CENPP: variants seen among roughly 807,000 people sequenced by gnomAD.
CENPP encodes the protein centromere protein P.
CENPP carries 24 observed loss-of-function variants against 35.6 expected under a neutral mutation model. That is an observed-to-expected ratio of 0.67 (90% CI 0.49 to 0.95). CENPP has a LOEUF of 0.95. Ranked by LOEUF, CENPP falls within the 40% of genes least tolerant of loss-of-function variation. CENPP has a pLI of 0.00. For synonymous variants in CENPP, 120 were observed against 125.5 expected, an observed-to-expected ratio of 0.96 and a Z score of 0.29; for missense variants, 332 against 345.3, an observed-to-expected ratio of 0.96 and a Z score of 0.31.
At chr9:92,580,234 G>A (rs1217584549) in intron 5 of CENPP, among the ~76,000 whole-genome samples, 1 of 152,214 alleles carries the variant, frequency 6.6e-6, no homozygotes, top group East Asian at 1.9e-4. Context: ...TTGCATCAAT[G>A]TTCATCAAGG....
At chr9:92,611,806 G>A (rs568322131) in intron 6 of CENPP, among the ~76,000 whole-genome samples, 1 of 152,204 alleles carries the variant, frequency 6.6e-6, no homozygotes, top group Non-Finnish European at 1.5e-5. Flanking sequence ...CAGCCCCGGC[G>A]CCACCCTGGC....
chr9:92,380,772 A>G lies in CENPP; in HGVS notation c.564+913A>G, dbSNP rs537288811. 7.2e-5 allele frequency among the ~76,000 whole-genome samples: 11 copies of G among 152,330 alleles called. No homozygotes were observed. In the South Asian group the frequency reaches 1.7e-3, roughly 23 times the overall value. The stretch of plus-strand genomic sequence containing the variant: ...TCACAAGTGTTATAATACAGTAATG[A>G]CCAGGGAGTGTGCTGGCAGTTATGG... On this transcript the variant is annotated intron_variant, in intron 5 of 7. Coordinates refer to ENST00000375587, the MANE Select transcript of CENPP (RefSeq NM_001012267.3).
In CENPP at chr9:92,618,117, T is replaced by C. The variant is rs1387003134; in HGVS notation, c.*4968T>C. The C allele has an allele frequency of 2.5e-6, 1 of 403,978 alleles. No homozygotes were observed. Among genetic ancestry groups the C allele is most frequent in the Non-Finnish European group, 5.0e-6 (1 of 201,010 alleles). 25.0% of individuals were successfully genotyped at this position (403,978 alleles called of 1,614,324 possible). On this transcript the variant is annotated 3_prime_UTR_variant, in exon 8 of 8. Transcript: ENST00000375587. ...ACTGGAACTTCACAGGTGCGGCCACTGCGCACACCTTCCTGGAAGCAGGCC... is the reference window on the plus strand; with the variant it reads ...ACTGGAACTTCACAGGTGCGGCCACCGCGCACACCTTCCTGGAAGCAGGCC...
At chr9:92,344,506 T>A (rs927253660) in intron 3 of CENPP, among the ~76,000 whole-genome samples, 1 of 152,140 alleles carries the variant, frequency 6.6e-6, no homozygotes, top group Non-Finnish European at 1.5e-5. Flanking sequence ...TTATTTGGAA[T>A]CCAAGCTTTG....
chr9:92,395,715 G>A (rs1007713698), intron 5 of CENPP, among the ~76,000 whole-genome samples: 5 of 152,008 alleles, frequency 3.3e-5, no homozygotes, highest in Non-Finnish European at 5.9e-5. Flanking sequence ...GAAATGTAGG[G>A]CATGTTATAG....
At chr9:92,391,888 A>G (rs1564294295) in intron 5 of CENPP, among the ~76,000 whole-genome samples, 1 of 152,186 alleles carries the variant, frequency 6.6e-6, no homozygotes, top group Non-Finnish European at 1.5e-5. Context: ...GGTATTCACA[A>G]ATATGGAATC....
At chr9:92,403,130 A>G (rs1029615798) in intron 5 of CENPP, 40 of 693,458 alleles carry the variant, frequency 5.8e-5, no homozygotes, top group Non-Finnish European at 3.0e-5. Context: ...ATTTAAAGTG[A>G]TTTTCCCTTC....
intron 5 of CENPP, chr9:92,403,465 A>G: frequency 1.3e-6 from 2 of 1,534,122 alleles, no homozygotes; most frequent in Non-Finnish European, 8.7e-7. Flanking sequence ...TGACTGTGGG[A>G]CAAAACTCTC....
chr9:92,588,519 C>G (rs1354379946), intron 5 of CENPP, among the ~76,000 whole-genome samples: 1 of 151,914 alleles, frequency 6.6e-6, no homozygotes, highest in East Asian at 1.9e-4. Flanking sequence ...TCCCAAAGTG[C>G]TGGGATTACA....
At chr9:92,359,502 T>G (rs1363588209) in intron 4 of CENPP, among the ~76,000 whole-genome samples, 1 of 152,176 alleles carries the variant, frequency 6.6e-6, no homozygotes, top group African/African-American at 2.4e-5. Context: ...AAGCTTTCCA[T>G]GGGTATGTGC....
intron 4 of CENPP, among the ~76,000 whole-genome samples, chr9:92,378,325 A>T (rs2130864900): frequency 6.6e-6 from 1 of 152,080 alleles, no homozygotes; most frequent in Admixed American, 6.5e-5. Flanking sequence ...ATTTTGCATG[A>T]TCTCCGTTGG....
chr9:92,515,839 A>G lies in CENPP; in HGVS notation c.565-95475A>G, dbSNP rs76604402. ...CTTTACTACCTGAGACTTACAAATG[A>G]CATTCTGGACTTAAGTGATGTTGCT... is the stretch of plus-strand genomic sequence containing the variant. On this transcript the variant is annotated intron_variant, in intron 5 of 7. Transcript: ENST00000375587. 7.6e-4 allele frequency among the ~76,000 whole-genome samples: 115 copies of G among 152,280 alleles called. No individual in the cohort carries two copies. The East Asian group carries it at 0.02, about 27-fold the overall frequency.
chr9:92,476,758 C>G lies in CENPP; in HGVS notation c.564+96899C>G, dbSNP rs75091981. On this transcript the variant is annotated intron_variant, in intron 5 of 7. Transcript: ENST00000375587. The surrounding 1 kb of genome is among the most constrained non-coding windows in gnomAD (Gnocchi z 4.1). ...GACTCATCCCTCATAGGAAATGAGG[C>G]GTAAAGAGCTTAAGTGACTTGCCCA... Among the ~76,000 whole-genome samples the G allele has an allele frequency of 6.6e-6, 1 of 152,034 alleles. No individual in the cohort carries two copies. The highest frequency in any genetic ancestry group is 1.5e-5 in the Non-Finnish European group (1 of 68,014).
Position 92,522,628 on chromosome 9 carries a change from A to G in CENPP, c.565-88686A>G, listed in dbSNP as rs150291467. Reference sequence around the variant, plus strand: ...TCCAGGAAAACTTGAAAAGGATTCAAACTTTTCCTCCATGCTATAATCAAA... The same window carrying G: ...TCCAGGAAAACTTGAAAAGGATTCAGACTTTTCCTCCATGCTATAATCAAA... On this transcript the variant is annotated intron_variant, in intron 5 of 7. Transcript: ENST00000375587. The G allele has an allele frequency of 1.1e-4, 184 of 1,613,832 alleles. No individual in the cohort carries two copies. The highest frequency in any genetic ancestry group is 2.7e-4 in the Admixed American group (16 of 59,988).
At chr9:92,506,559 T>G (rs1847019424) in intron 5 of CENPP, among the ~76,000 whole-genome samples, 1 of 152,198 alleles carries the variant, frequency 6.6e-6, no homozygotes, top group Admixed American at 6.5e-5. Flanking sequence ...TCAACCCCCT[T>G]CATGGGCATT....
At chr9:92,581,544 A>G (rs947773293) in intron 5 of CENPP, among the ~76,000 whole-genome samples, 2 of 152,216 alleles carry the variant, frequency 1.3e-5, no homozygotes, top group African/African-American at 4.8e-5. Context: ...AAGCAGTGGT[A>G]GCTTCGTTAC....
In CENPP at chr9:92,613,281, A is replaced by AT; in HGVS notation, c.*134dup. 1.0e-6 allele frequency: 1 copy of AT among 965,990 alleles called. No homozygotes were observed. Among genetic ancestry groups the AT allele is most frequent in the South Asian group, 1.6e-5 (1 of 61,722 alleles). 59.8% of individuals were successfully genotyped at this position (965,990 alleles called of 1,614,324 possible). On this transcript the variant is annotated 3_prime_UTR_variant, in exon 8 of 8. Coordinates refer to ENST00000375587, the MANE Select transcript of CENPP (RefSeq NM_001012267.3). The stretch of plus-strand genomic sequence containing the variant: ...CGTGCTGTCTATGCAGTTATGGCAC[A>AT]TTATATGGAAACTCTCATGACATGA...
At chr9:92,414,762 G>A (rs10992327) in intron 5 of CENPP, 107 of 225,050 alleles carry the variant, frequency 4.8e-4, no homozygotes, top group Non-Finnish European at 7.7e-4. Context: ...ATTGTCCTCA[G>A]AGTGATCAAA....
Position 92,432,483 on chromosome 9 carries a change from C to T in CENPP, c.564+52624C>T, listed in dbSNP as rs189582662. The stretch of plus-strand genomic sequence containing the variant: ...TTTCTCCCAGTTAGCTCCTATAAAC[C>T]ACGAGATGAAAGTACATTTCAAATC... On this transcript the variant is annotated intron_variant, in intron 5 of 7. Coordinates refer to ENST00000375587, the MANE Select transcript of CENPP (RefSeq NM_001012267.3). Among the ~76,000 whole-genome samples, 45 of 152,068 alleles carry T rather than the reference C, an allele frequency of 3.0e-4. No individual in the cohort carries two copies. The East Asian group carries it at 7.1e-3, about 24-fold the overall frequency.
Sources: allele counts gnomAD v4.1 joint callset (sites outside exome capture counted in the v4.1 genomes callset), GRCh38; gene constraint gnomAD v4.1.1; non-coding constraint Gnocchi (gnomAD v3.1); transcripts MANE v1.5; gene names NCBI Gene and HGNC (gene_info 2026-07-23, HGNC 2026-07-21).